KLHL4: variants seen among roughly 807,000 people sequenced by gnomAD.
KLHL4 encodes kelch-like protein 4.
In KLHL4, 17 loss-of-function variants were observed where a neutral mutation model predicts 45.8. The observed-to-expected ratio is 0.37, with a 90% CI of 0.25 to 0.56. The LOEUF (loss-of-function observed/expected upper bound fraction) is 0.56, where lower values mean the gene tolerates loss of function less well. Ranked by LOEUF, KLHL4 falls within the 20% of genes least tolerant of loss-of-function variation. The pLI is 0.79. For synonymous variants in KLHL4, 224 were observed against 189.9 expected, an observed-to-expected ratio of 1.18 and a Z score of -1.47; for missense variants, 544 against 544.9, an observed-to-expected ratio of 1.00 and a Z score of 0.02.
chrX:87,596,756 A>G (rs947638453), intron 1 of KLHL4, among the ~76,000 whole-genome samples: 1 of 112,069 alleles, frequency 8.9e-6, no homozygotes, highest in African/African-American at 3.2e-5. Flanking sequence ...GGTTTTTGCA[A>G]CTATCACTTC....
intron 1 of KLHL4, among the ~76,000 whole-genome samples, chrX:87,575,005 C>T (rs1360930258): frequency 7.1e-5 from 8 of 111,969 alleles, no homozygotes; most frequent in Non-Finnish European, 1.3e-4. Flanking sequence ...AGGTTTAAAA[C>T]ATTTGAAATA....
intron 1 of KLHL4, among the ~76,000 whole-genome samples, chrX:87,538,600 G>A (rs1202154030): frequency 1.8e-5 from 2 of 111,294 alleles, no homozygotes; most frequent in African/African-American, 6.5e-5. Context: ...AATCACCATG[G>A]GAAATCCCAA....
chrX:87,663,703 T>G (rs1186880739), intron 9 of KLHL4, among the ~76,000 whole-genome samples: 2 of 112,455 alleles, frequency 1.8e-5, no homozygotes, highest in African/African-American at 6.5e-5. Context: ...GGCTCTGACT[T>G]TTACCATAAC....
At chrX:87,646,430 T>C (rs1923636341) in intron 9 of KLHL4, among the ~76,000 whole-genome samples, 1 of 111,546 alleles carries the variant, frequency 9.0e-6, no homozygotes, top group South Asian at 3.7e-4. Context: ...AGAGCCTGCC[T>C]AGCCAAAGCA....
chrX:87,536,569 GAA>G (rs941008174), intron 1 of KLHL4, among the ~76,000 whole-genome samples: 23 of 91,778 alleles, frequency 2.5e-4, no homozygotes, highest in Non-Finnish European at 4.7e-4. Context: ...CATTAAAAGA[GAA>G]GAGAATACTT....
chrX:87,663,604 CCTGA>C (rs1303609963), intron 9 of KLHL4, among the ~76,000 whole-genome samples: 4 of 112,001 alleles, frequency 3.6e-5, no homozygotes, highest in African/African-American at 1.3e-4. Flanking sequence ...GTGTGTGTAC[CCTGA>C]CTGTCAGCTG....
chrX:87,602,981 TA>T (rs1922068011), intron 1 of KLHL4, among the ~76,000 whole-genome samples: 1 of 111,666 alleles, frequency 9.0e-6, no homozygotes, highest in Admixed American at 9.6e-5. Context: ...TTTTAAATCA[TA>T]AAGAATGGGC....
At chrX:87,631,726 CTT>C (rs1428164464) in intron 6 of KLHL4, among the ~76,000 whole-genome samples, 4 of 111,364 alleles carry the variant, frequency 3.6e-5, no homozygotes, top group African/African-American at 9.8e-5. Context: ...AGTTACGTGT[CTT>C]TTAAATAAAC....
intron 1 of KLHL4, among the ~76,000 whole-genome samples, chrX:87,526,293 A>G (rs1237582294): frequency 8.9e-6 from 1 of 112,323 alleles, no homozygotes; most frequent in Non-Finnish European, 1.9e-5. Flanking sequence ...TTGGTTTTCT[A>G]TTAATGTTTC....
At chrX:87,530,046 C>T (rs1043627663) in intron 1 of KLHL4, among the ~76,000 whole-genome samples, 15 of 110,847 alleles carry the variant, frequency 1.4e-4, no homozygotes, top group Admixed American at 5.8e-4. Flanking sequence ...GAGTAGGTTG[C>T]GAAAATTTTC....
chrX:87,575,421 T>A (rs1921068035), intron 1 of KLHL4, among the ~76,000 whole-genome samples: 1 of 110,964 alleles, frequency 9.0e-6, no homozygotes, highest in Non-Finnish European at 1.9e-5. Context: ...CCCTCCAACA[T>A]CCCCCATCCA....
chrX:87,621,671 C>T (rs1234315522), intron 4 of KLHL4, among the ~76,000 whole-genome samples: 2 of 111,520 alleles, frequency 1.8e-5, no homozygotes, highest in East Asian at 5.6e-4. Flanking sequence ...GAGTACTTTT[C>T]TCTTGGTCAA....
chrX:87,551,712 C>G (rs1931828280), intron 1 of KLHL4, among the ~76,000 whole-genome samples: 1 of 111,477 alleles, frequency 9.0e-6, no homozygotes, highest in Admixed American at 9.6e-5. Context: ...GACACATAGA[C>G]CAATGGAACA....
chrX:87,549,283 A>G (rs1277940577), intron 1 of KLHL4, among the ~76,000 whole-genome samples: 1 of 111,362 alleles, frequency 9.0e-6, no homozygotes, highest in Non-Finnish European at 1.9e-5. Flanking sequence ...AGGAAATATT[A>G]TTAGAGCTTA....
At position 87,542,956 on chromosome X, in the gene KLHL4, T is replaced by C. The variant is rs770326422; in HGVS notation, c.422+24641T>C. Among the ~76,000 whole-genome samples, 12 of 111,587 alleles carry C rather than the reference T, an allele frequency of 1.1e-4. No individual in the cohort carries two copies. The East Asian group carries it at 3.2e-3, about 29-fold the overall frequency. On this transcript the variant is annotated intron_variant, in intron 1 of 10. Coordinates refer to ENST00000373119, the MANE Select transcript of KLHL4 (RefSeq NM_019117.5). ...ATCCCTTTGTATCCATGGAGGGACC[T>C]AGTGGGAGGTGACTTGATCATGGGG...
chrX:87,616,056 A>T (rs1170520897), intron 3 of KLHL4, among the ~76,000 whole-genome samples: 1 of 111,650 alleles, frequency 9.0e-6, no homozygotes, highest in East Asian at 2.8e-4. Flanking sequence ...AGCATAGTAT[A>T]CTTTGGGATA....
chrX:87,532,493 G>T (rs1256588678), intron 1 of KLHL4, among the ~76,000 whole-genome samples: 19 of 106,589 alleles, frequency 1.8e-4, no homozygotes, highest in African/African-American at 6.1e-4. Flanking sequence ...AGCTTGATGG[G>T]GATGGCATTG....
rs774379938 is a variant in KLHL4, at chrX:87,639,182, C to A, written c.1925+3407C>A. The stretch of plus-strand genomic sequence containing the variant: ...AATATATATGCACCTAACACTGGAG[C>A]TCCCAAATTCATAAAACAATTACTA... On this transcript the variant is annotated intron_variant, in intron 9 of 10. Coordinates refer to ENST00000373119, the MANE Select transcript of KLHL4 (RefSeq NM_019117.5). Among the ~76,000 whole-genome samples the A allele has an allele frequency of 5.4e-5, 6 of 110,818 alleles. No individual in the cohort carries two copies. In the East Asian group the frequency reaches 1.7e-3, roughly 32 times the overall value.
Position 87,518,361 on chromosome X carries a change from C to G in KLHL4, c.422+46C>G, listed in dbSNP as rs1365313499. Reference sequence around the variant, plus strand: ...AACTGAATGCCGTAACTTCAGTTAACTTATCCTCTACAATTCATGTTTAGT... The same window carrying G: ...AACTGAATGCCGTAACTTCAGTTAAGTTATCCTCTACAATTCATGTTTAGT... On this transcript the variant is annotated intron_variant, in intron 1 of 10. Transcript: ENST00000373119. The G allele has an allele frequency of 3.1e-6, 3 of 981,802 alleles. No homozygotes were observed. In the Admixed American group the frequency reaches 7.3e-5, roughly 24 times the overall value. 80.9% of individuals were successfully genotyped at this position (981,802 alleles called of 1,213,427 possible). A position where few individuals can be genotyped will look rare whatever the true frequency, so the allele number is the denominator to read the frequency against.
Sources: gnomAD v4.1 joint callset for allele counts (sites outside exome capture counted in the v4.1 genomes callset) on GRCh38, gnomAD v4.1.1 for gene constraint, MANE v1.5 for transcripts, NCBI Gene and HGNC (gene_info 2026-07-23, HGNC 2026-07-21) for gene names.